WWOX: variants seen among roughly 807,000 people sequenced by gnomAD.
WWOX encodes WW domain-containing oxidoreductase.
In WWOX, 69 loss-of-function variants were observed where a neutral mutation model predicts 46.2. The observed-to-expected ratio is 1.49, with a 90% CI of 1.23 to 1.82. The LOEUF is 1.82. WWOX is among the 40% of genes most tolerant of loss of function. The pLI is 0.00. For synonymous variants in WWOX, 359 were observed against 202.6 expected (o/e 1.77, Z -6.56); for missense variants, 919 against 542.6 (o/e 1.69, Z -6.89).
At chr16:78,983,420 C>T (rs769665333) in intron 8 of WWOX, among the ~76,000 whole-genome samples, 3 of 152,120 alleles carry the variant, frequency 2.0e-5, no homozygotes, top group Non-Finnish European at 4.4e-5. Context: ...AAGGATGATA[C>T]ATGATGTATT....
intron 5 of WWOX, among the ~76,000 whole-genome samples, chr16:78,375,811 A>T (rs1192619957): frequency 6.6e-6 from 1 of 152,132 alleles, no homozygotes; most frequent in Non-Finnish European, 1.5e-5. Context: ...GAAACAACAT[A>T]AAATAATATT....
chr16:78,934,351 A>AAAAAAAAAAAAAAAAG (rs60762741), intron 8 of WWOX, among the ~76,000 whole-genome samples: 1 of 147,938 alleles, frequency 6.8e-6, no homozygotes. Context: ...AAAAAAAAAA[A>AAAAAAAAAAAAAAAAG]GAAGAAACTT....
rs59900108 is a variant in WWOX, at chr16:78,541,473, C to CAAAA, written c.1056+108751_1056+108754dup. On this transcript the variant is annotated intron_variant, in intron 8 of 8. Transcript: ENST00000566780. ...TGGGCGACAGAGCGAGACTCCGTCT[C>CAAAA]AAAAAAAAAAAAAAAAAAAAAAAAA... Among the ~76,000 whole-genome samples, 70 of 45,176 alleles carry CAAAA rather than the reference C, an allele frequency of 1.5e-3. 4 individuals are homozygous for CAAAA. The highest frequency in any genetic ancestry group is 6.2e-3 in the African/African-American group (57 of 9,196). 29.6% of individuals were successfully genotyped at this position (45,176 alleles called of 152,430 possible).
chr16:78,868,415 G>T (rs576991691), intron 8 of WWOX, among the ~76,000 whole-genome samples: 1 of 152,086 alleles, frequency 6.6e-6, no homozygotes, highest in Non-Finnish European at 1.5e-5. Context: ...GGGCAATTTT[G>T]GGGGGTCAAG....
chr16:78,261,693 A>G (rs996113828), intron 5 of WWOX, among the ~76,000 whole-genome samples: 8 of 149,146 alleles, frequency 5.4e-5, no homozygotes, highest in Non-Finnish European at 1.2e-4. Context: ...TCCACTTGCA[A>G]TATCACAATT....
intron 8 of WWOX, among the ~76,000 whole-genome samples, chr16:79,131,817 A>G (rs906756403): frequency 6.6e-6 from 1 of 152,224 alleles, no homozygotes; most frequent in African/African-American, 2.4e-5. Context: ...TAATGGACTT[A>G]CAGTTCCATA....
chr16:78,946,131 A>G lies in WWOX; in HGVS notation c.1057-265477A>G, dbSNP rs1284686326. Among the ~76,000 whole-genome samples, 5 of 152,048 alleles carry G rather than the reference A, an allele frequency of 3.3e-5. No individual in the cohort carries two copies. The East Asian group carries it at 7.7e-4, about 23-fold the overall frequency. ...AATTCCTCCAGTTAATTTTACTTTA[A>G]TTCCCCCTACAAGAATGCCGAGACA... On this transcript the variant is annotated intron_variant, in intron 8 of 8. Transcript: ENST00000566780.
intron 8 of WWOX, among the ~76,000 whole-genome samples, chr16:78,881,551 C>G (rs1315371492): frequency 1.3e-5 from 2 of 152,194 alleles, no homozygotes; most frequent in South Asian, 2.1e-4. Flanking sequence ...GGAATAGTCT[C>G]TAACCTCAAG....
At chr16:78,397,114 A>G (rs3893417) in intron 6 of WWOX, among the ~76,000 whole-genome samples, 89,062 of 151,922 alleles carry the variant, frequency 0.59, 28,517 homozygotes, top group Non-Finnish European at 0.74. Flanking sequence ...CTTTGAAGAA[A>G]CTCCCCCATG....
rs2051771040 is a variant in WWOX at position 79,211,897 on chromosome 16, C to G, written c.*101C>G. The G allele has an allele frequency of 6.4e-7, 1 of 1,563,446 alleles. No homozygotes were observed. Among genetic ancestry groups the G allele is most frequent in the Non-Finnish European group, 8.6e-7 (1 of 1,158,030 alleles). On this transcript the variant is annotated 3_prime_UTR_variant, in exon 9 of 9. Coordinates refer to ENST00000566780, the MANE Select transcript of WWOX (RefSeq NM_016373.4). ...TTCCAAATGTCCCTCCAACACAGAT[C>G]CGCAAGAGTAAAGGAAATAAGAGCA...
intron 8 of WWOX, among the ~76,000 whole-genome samples, chr16:78,935,502 A>G (rs564301346): frequency 4.1e-4 from 62 of 152,078 alleles, no homozygotes; most frequent in Non-Finnish European, 7.5e-4. Context: ...AACTATCACA[A>G]GGACAAAAAA....
chr16:79,160,617 T>C (rs10153132), intron 8 of WWOX, among the ~76,000 whole-genome samples: 4,100 of 152,286 alleles, frequency 0.027, 200 homozygotes, highest in African/African-American at 0.094. Flanking sequence ...TTTATTCTTT[T>C]TTTGAAGAGG....
At chr16:78,127,516 G>A (rs376982683) in intron 4 of WWOX, among the ~76,000 whole-genome samples, 23 of 122,380 alleles carry the variant, frequency 1.9e-4, no homozygotes, top group South Asian at 2.9e-4. Context: ...ATAATCAACG[G>A]AAAAAAAAAA....
At chr16:78,630,817 C>A (rs1369536767) in intron 8 of WWOX, among the ~76,000 whole-genome samples, 1 of 152,146 alleles carries the variant, frequency 6.6e-6, no homozygotes, top group African/African-American at 2.4e-5. Context: ...TGGGACCAGA[C>A]CTCAAGAAAA....
At chr16:78,800,460 A>G (rs963531791) in intron 8 of WWOX, among the ~76,000 whole-genome samples, 6 of 152,194 alleles carry the variant, frequency 3.9e-5, no homozygotes, top group African/African-American at 1.4e-4. Flanking sequence ...ATGGCCCCAA[A>G]TAAAGTGGTA....
chr16:78,814,536 A>G (rs1042825493), intron 8 of WWOX, among the ~76,000 whole-genome samples: 4 of 152,174 alleles, frequency 2.6e-5, no homozygotes, highest in Non-Finnish European at 5.9e-5. Context: ...ACAAAACAAA[A>G]GAGGTTGCAG....
At chr16:78,492,234 C>T (rs1297044296) in intron 8 of WWOX, among the ~76,000 whole-genome samples, 1 of 152,190 alleles carries the variant, frequency 6.6e-6, no homozygotes, top group Non-Finnish European at 1.5e-5. Flanking sequence ...GAAACCTGAG[C>T]CACAAGGCAG....
chr16:78,761,867 C>G (rs1442799471), intron 8 of WWOX, among the ~76,000 whole-genome samples: 1 of 152,128 alleles, frequency 6.6e-6, no homozygotes, highest in African/African-American at 2.4e-5. Context: ...CTAACTAGTT[C>G]ATTAGTGCTA....
chr16:78,668,406 T>C (rs960200912), intron 8 of WWOX, among the ~76,000 whole-genome samples: 7 of 152,248 alleles, frequency 4.6e-5, no homozygotes, highest in African/African-American at 1.4e-4. Context: ...AAGATAAATG[T>C]CGTAAGGTAA....
Sources: gnomAD v4.1 joint callset for allele counts (sites outside exome capture counted in the v4.1 genomes callset) on GRCh38, gnomAD v4.1.1 for gene constraint, MANE v1.5 for transcripts, NCBI Gene and HGNC (gene_info 2026-07-23, HGNC 2026-07-21) for gene names.